Variants in MYO9A observed in about 807,000 individuals in gnomAD.
MYO9A encodes the protein myosin IXA.
In MYO9A, 103 loss-of-function variants were observed where a neutral mutation model predicts 293.3. The observed-to-expected ratio is 0.35, with a 90% CI of 0.30 to 0.41. The LOEUF (loss-of-function observed/expected upper bound fraction) is 0.41, where lower values mean the gene tolerates loss of function less well. Among genes scored for constraint, MYO9A ranks in the 10% least tolerant of loss-of-function variants. The probability of loss-of-function intolerance (pLI) is 1.00; values close to 1 mark genes in which losing one functional copy is unlikely to be tolerated. For missense variants in MYO9A, 2,685 were observed against 3,033.0 expected, an observed-to-expected ratio of 0.89 and a Z score of 2.69; for synonymous variants, 1,001 against 1,035.7, an observed-to-expected ratio of 0.97 and a Z score of 0.64.
At chr15:71,853,491 G>A (rs559227160) in intron 35 of MYO9A, among the ~76,000 whole-genome samples, 1 of 152,304 alleles carries the variant, frequency 6.6e-6, no homozygotes, top group East Asian at 1.9e-4. Context: ...AACCAAAGTA[G>A]ACCAAGTCTC....
At chr15:71,914,037 T>C (rs1449301475) in intron 19 of MYO9A, among the ~76,000 whole-genome samples, 1 of 152,192 alleles carries the variant, frequency 6.6e-6, no homozygotes, top group Non-Finnish European at 1.5e-5. Flanking sequence ...CACAGATCAG[T>C]AGTCAGCCAC....
At chr15:71,977,973 G>A (rs1382832626) in intron 12 of MYO9A, among the ~76,000 whole-genome samples, 198 bp downstream of exon 12, 1 of 152,112 alleles carries the variant, frequency 6.6e-6, no homozygotes, top group Admixed American at 6.5e-5. Context: ...GGAGGTGGAG[G>A]TTGCAATGAG....
At chr15:72,010,809 G>A (rs568141645) in intron 6 of MYO9A, among the ~76,000 whole-genome samples, 1 of 152,100 alleles carries the variant, frequency 6.6e-6, no homozygotes, top group East Asian at 1.9e-4. Context: ...ATTTACGGGC[G>A]CTCAATTCTA....
chr15:72,013,330 G>A (rs1318784443), intron 6 of MYO9A, among the ~76,000 whole-genome samples: 6 of 152,184 alleles, frequency 3.9e-5, no homozygotes, highest in African/African-American at 1.4e-4. Context: ...GGAGCAGGCA[G>A]CTGTTAATTC....
intron 2 of MYO9A, among the ~76,000 whole-genome samples, chr15:72,037,512 T>C (rs2078091545): frequency 6.6e-6 from 1 of 152,098 alleles, no homozygotes; most frequent in African/African-American, 2.4e-5. Flanking sequence ...GGCTGAGTAC[T>C]GAAGGGGTGA....
chr15:71,903,078 A>T lies in MYO9A; in HGVS notation c.2878-15T>A, dbSNP rs533698767. 6.1e-5 allele frequency: 96 copies of T among 1,572,574 alleles called. No homozygotes were observed. In the South Asian group the frequency reaches 9.0e-4, roughly 15 times the overall value. On this transcript the variant is annotated splice_polypyrimidine_tract_variant and intron_variant, in intron 21 of 41. Coordinates refer to ENST00000356056, the MANE Select transcript of MYO9A (RefSeq NM_006901.4). ...CTCACAAAATCCTGAAAAATAATTT[A>T]AAAATATTGTAAAATCAGAAAACAG...
chr15:72,034,267 G>C (rs2077971289), intron 2 of MYO9A, among the ~76,000 whole-genome samples: 1 of 152,170 alleles, frequency 6.6e-6, no homozygotes, highest in African/African-American at 2.4e-5. Context: ...ATAAGGTCCA[G>C]CAATCTGTGC....
chr15:71,835,373 A>G (rs1020113990), intron 39 of MYO9A, among the ~76,000 whole-genome samples: 6 of 152,196 alleles, frequency 3.9e-5, no homozygotes, highest in Non-Finnish European at 8.8e-5. Flanking sequence ...GAATGATATG[A>G]CTGTACAGGT....
chr15:71,863,465 A>T (rs1325778462), intron 32 of MYO9A, among the ~76,000 whole-genome samples: 1 of 152,116 alleles, frequency 6.6e-6, no homozygotes, highest in African/African-American at 2.4e-5. Flanking sequence ...AAAGCAAAAA[A>T]AAATAGTGGC....
intron 38 of MYO9A, among the ~76,000 whole-genome samples, chr15:71,849,560 G>A (rs1316742834): frequency 1.3e-5 from 2 of 152,070 alleles, no homozygotes; most frequent in African/African-American, 4.8e-5. Context: ...CTGGGGATGG[G>A]ATCCAAATAT....
Position 71,827,959 on chromosome 15 carries a change from CA to C in MYO9A, c.7107del (p.Glu2370ArgfsTer13). On this transcript the variant is annotated frameshift_variant, in exon 41 of 42. Transcript: ENST00000356056. LOFTEE classifies it high-confidence loss of function. ...PRASDDETLE[S>X]EASIGTADSS... is the part of the protein sequence containing the mutation. ...CTATCAGCAGTCCCAATGGAGGCCT[CA>C]GACTCAAGGGTTTCATCATCAGAGG... 1 of 1,613,886 alleles carries C rather than the reference CA, an allele frequency of 6.2e-7. No homozygotes were observed. Among genetic ancestry groups the C allele is most frequent in the Non-Finnish European group, 8.5e-7 (1 of 1,179,840 alleles).
chr15:71,878,368 G>A, intron 30 of MYO9A, 137 bp from the exon 31 acceptor site: 1 of 535,016 alleles, frequency 1.9e-6, no homozygotes, highest in Non-Finnish European at 3.0e-6. Flanking sequence ...GCATGCCCAT[G>A]AGGTCATGTG....
chr15:71,849,177 C>T lies in MYO9A; in HGVS notation c.6714-209G>A, dbSNP rs529408414. On this transcript the variant is annotated intron_variant, in intron 38 of 41. Transcript: ENST00000356056. ...TCTAAAGAGCAGTTATGGCTGAGCACAGTGGTTCATGCCTGTAATCCCAGC... is the reference window on the plus strand; with the variant it reads ...TCTAAAGAGCAGTTATGGCTGAGCATAGTGGTTCATGCCTGTAATCCCAGC... Among the ~76,000 whole-genome samples the T allele has an allele frequency of 1.1e-3, 174 of 152,282 alleles. 1 individual carries two copies. The highest frequency in any genetic ancestry group is 4.0e-3 in the African/African-American group (167 of 41,556).
intron 4 of MYO9A, 21 bp from the exon 5 acceptor site, chr15:72,021,038 C>A: frequency 6.8e-7 from 1 of 1,462,518 alleles, no homozygotes; most frequent in Non-Finnish European, 9.2e-7. Flanking sequence ...CAAAGAAGTA[C>A]AAGTTTCATA....
chr15:71,948,958 G>A (rs1276211462), intron 15 of MYO9A, among the ~76,000 whole-genome samples: 1 of 145,670 alleles, frequency 6.9e-6, no homozygotes, highest in Admixed American at 6.9e-5. Context: ...TTGTGAGGGG[G>A]GGGGATGTGA....
At chr15:72,002,798 T>C (rs892954304) in intron 8 of MYO9A, among the ~76,000 whole-genome samples, 1 of 152,250 alleles carries the variant, frequency 6.6e-6, no homozygotes, top group Non-Finnish European at 1.5e-5. Flanking sequence ...GCTTCAATTA[T>C]ACACAATATT....
At chr15:71,827,066 G>C (rs759719914) in intron 41 of MYO9A, 23 bp from the exon 42 acceptor site, 1 of 1,507,158 alleles carries the variant, frequency 6.6e-7, no homozygotes, top group Non-Finnish European at 8.9e-7. Context: ...AGAGACCAAA[G>C]ATGTAAATGA....
chr15:71,868,755 A>C (rs2056416684), intron 32 of MYO9A, among the ~76,000 whole-genome samples: 1 of 152,222 alleles, frequency 6.6e-6, no homozygotes, highest in Admixed American at 6.5e-5. Flanking sequence ...AGAAAGAAAC[A>C]CTAGAAAGTT....
rs939770923 is a variant in MYO9A at position 71,826,584 on chromosome 15, A to T, written c.7643T>A (p.Val2548Asp). The change falls in exon 42 of 42, where the codon GTC becomes GAC. Residue 2548 changes from valine (V) to aspartate (D), a missense_variant. Around this residue, in one of 10 missense-constraint regions of MYO9A, gnomAD observed 350 missense variants for 328.9 expected, o/e 1.06. Transcript: ENST00000356056. ...LALFGNNEFM[V>D] ...GAGGGACACACATCTGCCGGTTCAGACCATAAATTCATTATTTCCAAAGAG... is the reference window on the plus strand; with the variant it reads ...GAGGGACACACATCTGCCGGTTCAGTCCATAAATTCATTATTTCCAAAGAG... 5.7e-6 allele frequency: 9 copies of T among 1,588,006 alleles called. No individual in the cohort carries two copies. The highest frequency in any genetic ancestry group is 3.7e-5 in the Admixed American group (2 of 54,790).
Sources: gnomAD v4.1 joint callset for allele counts (sites outside exome capture counted in the v4.1 genomes callset) on GRCh38, gnomAD v4.1.1 for gene constraint, gnomAD v4.1.1 regional missense constraint, MANE v1.5 for transcripts, NCBI Gene and HGNC (gene_info 2026-07-23, HGNC 2026-07-21) for gene names.